The following MACROD2 variants were observed in gnomAD, a reference collection of about 807,000 sequenced individuals.
MACROD2 encodes the protein mono-ADP ribosylhydrolase 2.
Under a neutral mutation model 70.4 loss-of-function variants are expected in MACROD2, and 36 were observed. The ratio of observed to expected loss-of-function variants is 0.51; its 90% CI spans 0.39 to 0.68. The LOEUF is 0.68. Ranked by LOEUF, MACROD2 falls within the 30% of genes least tolerant of loss-of-function variation. The pLI, the probability that MACROD2 is intolerant of heterozygous loss-of-function variation, is 0.00. For synonymous variants in MACROD2, 172 were observed against 178.8 expected, an observed-to-expected ratio of 0.96 and a Z score of 0.30; for missense variants, 496 against 538.4, an observed-to-expected ratio of 0.92 and a Z score of 0.78.
intron 8 of MACROD2, among the ~76,000 whole-genome samples, chr20:15,700,788 TTAA>T (rs2050446338): frequency 6.6e-6 from 1 of 152,352 alleles, no homozygotes; most frequent in South Asian, 2.1e-4. Context: ...AGAGCTAGAC[TTAA>T]TAAGCACACG....
intron 6 of MACROD2, among the ~76,000 whole-genome samples, chr20:15,392,565 C>T (rs148259630): frequency 3.4e-4 from 52 of 152,198 alleles, no homozygotes; most frequent in African/African-American, 1.1e-3. Flanking sequence ...AATAATGCTC[C>T]ATCATGCCTC....
intron 3 of MACROD2, among the ~76,000 whole-genome samples, chr20:14,471,248 T>TGC (rs35104861): frequency 0.15 from 22,675 of 152,094 alleles, 2,389 homozygotes; most frequent in Non-Finnish European, 0.21. Context: ...CTCCGTGGGC[T>TGC]GCACCTACTG....
chr20:15,888,010 T>C (rs901922076), intron 10 of MACROD2, among the ~76,000 whole-genome samples: 7 of 152,136 alleles, frequency 4.6e-5, no homozygotes, highest in Non-Finnish European at 1.5e-5. Flanking sequence ...TGAGTCTTGG[T>C]TGCCCACAGT....
intron 6 of MACROD2, among the ~76,000 whole-genome samples, chr20:15,274,796 G>A (rs1449175615): frequency 6.6e-6 from 1 of 152,180 alleles, no homozygotes; most frequent in Non-Finnish European, 1.5e-5. Context: ...AAATTTTAAT[G>A]GCACATTGTG....
intron 3 of MACROD2, among the ~76,000 whole-genome samples, chr20:14,214,295 G>GAAAACA (rs1196895678): frequency 1.3e-5 from 2 of 152,012 alleles, no homozygotes; most frequent in African/African-American, 2.4e-5. Flanking sequence ...GGCATTAAAA[G>GAAAACA]AAAACAAAAA....
At chr20:14,507,656 A>G (rs1270578610) in intron 4 of MACROD2, among the ~76,000 whole-genome samples, 1 of 152,224 alleles carries the variant, frequency 6.6e-6, no homozygotes, top group African/African-American at 2.4e-5. Context: ...CATTTTAAAT[A>G]TAGTTAAGAA....
chr20:15,765,848 TGTAA>T (rs2051514677), intron 8 of MACROD2, among the ~76,000 whole-genome samples: 1 of 152,152 alleles, frequency 6.6e-6, no homozygotes, highest in Non-Finnish European at 1.5e-5. Context: ...ATCTATACAA[TGTAA>T]GTATTTGTAC....
At chr20:14,002,219 T>TA (rs1317012590) in intron 1 of MACROD2, 69 bp from the exon 2 acceptor site, 26 of 1,025,226 alleles carry the variant, frequency 2.5e-5, no homozygotes, top group Non-Finnish European at 3.6e-5. Context: ...GGTTAATACT[T>TA]AAAGTATAAA....
intron 5 of MACROD2, among the ~76,000 whole-genome samples, chr20:14,831,235 G>C (rs976252389): frequency 2.6e-5 from 4 of 152,064 alleles, no homozygotes; most frequent in African/African-American, 7.2e-5. Context: ...TCCTACCTGT[G>C]GCGCAGTGGC....
chr20:15,906,488 G>A (rs1012348410), intron 10 of MACROD2, among the ~76,000 whole-genome samples: 1 of 151,894 alleles, frequency 6.6e-6, no homozygotes, highest in Admixed American at 6.6e-5. Flanking sequence ...CATCCTGCAT[G>A]AGCACAATAA....
At chr20:16,013,870 T>G (rs1280182957) in intron 15 of MACROD2, among the ~76,000 whole-genome samples, 1 of 152,240 alleles carries the variant, frequency 6.6e-6, no homozygotes, top group African/African-American at 2.4e-5. Flanking sequence ...GCCAGGTGCC[T>G]TTAGGTGTTC....
chr20:14,274,098 C>G (rs1215904549), intron 3 of MACROD2, among the ~76,000 whole-genome samples: 2 of 152,184 alleles, frequency 1.3e-5, no homozygotes, highest in African/African-American at 4.8e-5. Context: ...CCTTCTGAAA[C>G]TATTCCAATC....
chr20:15,470,576 G>T (rs954792631), intron 7 of MACROD2, among the ~76,000 whole-genome samples: 1 of 152,098 alleles, frequency 6.6e-6, no homozygotes, highest in African/African-American at 2.4e-5. Context: ...CCACTTTCTT[G>T]TCCTGCAGAG....
At chr20:14,016,869 A>AT (rs911077163) in intron 2 of MACROD2, among the ~76,000 whole-genome samples, 6 of 151,832 alleles carry the variant, frequency 4.0e-5, no homozygotes, top group South Asian at 2.1e-4. Context: ...GAATTTTAGG[A>AT]TTTTTTTTCC....
At chr20:15,754,502 C>A (rs766344077) in intron 8 of MACROD2, among the ~76,000 whole-genome samples, 10 of 151,774 alleles carry the variant, frequency 6.6e-5, no homozygotes, top group Non-Finnish European at 1.3e-4. Context: ...CCATGCTACT[C>A]GGGAGGCTGA....
At chr20:14,724,967 G>T (rs1478677537) in intron 5 of MACROD2, among the ~76,000 whole-genome samples, 1 of 152,180 alleles carries the variant, frequency 6.6e-6, no homozygotes, top group Non-Finnish European at 1.5e-5. Flanking sequence ...GCCCAGATGA[G>T]AAATAGTAGT....
At chr20:15,805,656 A>G (rs181096992) in intron 8 of MACROD2, among the ~76,000 whole-genome samples, 1 of 152,200 alleles carries the variant, frequency 6.6e-6, no homozygotes, top group African/African-American at 2.4e-5. Flanking sequence ...TTGTATATTT[A>G]GTAGAGACGG....
At chr20:15,948,185 C>T (rs1053774072) in intron 12 of MACROD2, among the ~76,000 whole-genome samples, 2 of 151,878 alleles carry the variant, frequency 1.3e-5, no homozygotes, top group Admixed American at 1.3e-4. Flanking sequence ...TTAGCTCACA[C>T]CCAACCAGTG....
chr20:15,445,720 C>T (rs1382499655), intron 7 of MACROD2, among the ~76,000 whole-genome samples: 2 of 152,122 alleles, frequency 1.3e-5, no homozygotes, highest in Non-Finnish European at 2.9e-5. Flanking sequence ...ATCATAGGCT[C>T]TTAGAACTGA....
Sources: allele counts gnomAD v4.1 joint callset (sites outside exome capture counted in the v4.1 genomes callset), GRCh38; gene constraint gnomAD v4.1.1; transcripts MANE v1.5; gene names NCBI Gene and HGNC (gene_info 2026-07-23, HGNC 2026-07-21).